HCN1: variants seen among roughly 807,000 people sequenced by gnomAD.
The protein encoded by HCN1 is potassium/sodium hyperpolarization-activated cyclic nucleotide-gated channel 1.
HCN1 carries 13 observed loss-of-function variants against 78.9 expected under a neutral mutation model. The observed-to-expected ratio is 0.16, with a 90% CI of 0.11 to 0.26. The LOEUF (loss-of-function observed/expected upper bound fraction) is 0.26, where lower values mean the gene tolerates loss of function less well. HCN1 is among the 10% of genes least tolerant of loss of function. HCN1 has a pLI of 1.00. For missense variants in HCN1, 810 were observed against 1,154.3 expected, an observed-to-expected ratio of 0.70 and a Z score of 4.32; for synonymous variants, 552 against 455.5, an observed-to-expected ratio of 1.21 and a Z score of -2.70.
At chr5:45,606,843 A>C (rs572241206) in intron 2 of HCN1, among the ~76,000 whole-genome samples, 87 of 152,158 alleles carry the variant, frequency 5.7e-4, no homozygotes, top group African/African-American at 1.9e-3. Flanking sequence ...TTCAGATAAT[A>C]GATTTAAAAC....
At chr5:45,307,564 C>T (rs932672696) in intron 5 of HCN1, among the ~76,000 whole-genome samples, 1 of 151,982 alleles carries the variant, frequency 6.6e-6, no homozygotes, top group South Asian at 2.1e-4. Flanking sequence ...ACCCATAATC[C>T]CATTTTAATC....
intron 6 of HCN1, among the ~76,000 whole-genome samples, chr5:45,291,695 T>A (rs1309718411): frequency 3.3e-5 from 5 of 151,874 alleles, no homozygotes; most frequent in African/African-American, 1.2e-4. Flanking sequence ...CACATCCAGC[T>A]ACTTTCTGAT....
At chr5:45,281,429 G>A (rs1377711052) in intron 6 of HCN1, among the ~76,000 whole-genome samples, 2 of 152,018 alleles carry the variant, frequency 1.3e-5, no homozygotes, top group African/African-American at 4.8e-5. Flanking sequence ...ATAGCCATCA[G>A]AACTTTGAAT....
At chr5:45,473,027 T>G (rs1277214517) in intron 2 of HCN1, among the ~76,000 whole-genome samples, 1 of 151,922 alleles carries the variant, frequency 6.6e-6, no homozygotes, top group Non-Finnish European at 1.5e-5. Flanking sequence ...ATGCCTAACC[T>G]TTACAGAGTT....
intron 6 of HCN1, among the ~76,000 whole-genome samples, chr5:45,285,990 T>C (rs911591791): frequency 1.3e-5 from 2 of 151,998 alleles, no homozygotes; most frequent in South Asian, 2.1e-4. Context: ...ACGGAAAATT[T>C]GTTTTTAAAG....
In HCN1 at chr5:45,473,355, C is replaced by G. The variant is rs907362802; in HGVS notation, c.850-11348G>C. Among the ~76,000 whole-genome samples the G allele has an allele frequency of 5.9e-5, 9 of 151,882 alleles. 1 individual carries two copies. Among genetic ancestry groups the G allele is most frequent in the African/African-American group, 1.7e-4 (7 of 41,416 alleles). On this transcript the variant is annotated intron_variant, in intron 2 of 7. Coordinates refer to ENST00000303230, the MANE Select transcript of HCN1 (RefSeq NM_021072.4). ...AGCATGCATATATTCTCCAGTGCAG[C>G]TAGTTAAAAAACTTACCCAGATTTT...
intron 4 of HCN1, among the ~76,000 whole-genome samples, chr5:45,379,395 A>G (rs920944347): frequency 6.6e-6 from 1 of 152,124 alleles, no homozygotes; most frequent in Admixed American, 6.6e-5. Context: ...TCTAAGAAAT[A>G]TGGTATCTAA....
chr5:45,605,534 T>G (rs1349309452), intron 2 of HCN1, among the ~76,000 whole-genome samples: 1 of 151,932 alleles, frequency 6.6e-6, no homozygotes, highest in Non-Finnish European at 1.5e-5. Context: ...AATATATTCT[T>G]AACTGAAGAA....
intron 1 of HCN1, among the ~76,000 whole-genome samples, chr5:45,666,472 A>G (rs1232155931): frequency 6.6e-6 from 1 of 152,078 alleles, no homozygotes; most frequent in Non-Finnish European, 1.5e-5. Context: ...GGCCACAACC[A>G]CAATATGTAC....
chr5:45,624,721 G>A (rs1334120954), intron 2 of HCN1, among the ~76,000 whole-genome samples: 1 of 152,014 alleles, frequency 6.6e-6, no homozygotes, highest in African/African-American at 2.4e-5. Flanking sequence ...GATGGGGTCA[G>A]AATCATGGAT....
intron 5 of HCN1, among the ~76,000 whole-genome samples, chr5:45,327,456 A>C (rs1005997591): frequency 1.3e-5 from 2 of 151,700 alleles, no homozygotes; most frequent in Non-Finnish European, 3.0e-5. Flanking sequence ...CAATTCAAAC[A>C]TAACAATATA....
intron 2 of HCN1, among the ~76,000 whole-genome samples, chr5:45,496,266 C>A (rs1437243499): frequency 6.7e-6 from 1 of 149,060 alleles, no homozygotes; most frequent in East Asian, 2.0e-4. Context: ...TTGATTATTG[C>A]CACAATTTCA....
chr5:45,663,971 T>G lies in HCN1; in HGVS notation c.426-18363A>C, dbSNP rs1470405882. Among the ~76,000 whole-genome samples the G allele has an allele frequency of 5.1e-4, 73 of 143,616 alleles. No homozygotes were observed. The South Asian group carries it at 7.1e-3, about 14-fold the overall frequency. The allele number at this position is 143,616 out of a possible 152,430, so 94.2% of individuals were successfully genotyped here. ...TCCCATTACTGGGTATATACCCAAA[T>G]GACTATAAATCATGCTGCTATAAAG... On this transcript the variant is annotated intron_variant, in intron 1 of 7. Transcript: ENST00000303230.
intron 2 of HCN1, among the ~76,000 whole-genome samples, chr5:45,601,684 C>T (rs2111964913): frequency 6.6e-6 from 1 of 152,178 alleles, no homozygotes; most frequent in South Asian, 2.1e-4. Context: ...TAGTTGTATT[C>T]AGGCATTCTA....
chr5:45,492,519 G>GTT (rs928476311), intron 2 of HCN1, among the ~76,000 whole-genome samples: 6,533 of 102,304 alleles, frequency 0.064, 641 homozygotes, highest in East Asian at 0.12. Context: ...CAGTTTTTTT[G>GTT]TTTTTTTTTT....
At chr5:45,399,264 T>C (rs1223332317) in intron 3 of HCN1, among the ~76,000 whole-genome samples, 1 of 152,200 alleles carries the variant, frequency 6.6e-6, no homozygotes, top group Non-Finnish European at 1.5e-5. Context: ...GAGTGATGCA[T>C]ATGCTGCCTT....
At chr5:45,487,357 C>G (rs1369226927) in intron 2 of HCN1, among the ~76,000 whole-genome samples, 2 of 151,984 alleles carry the variant, frequency 1.3e-5, no homozygotes, top group Non-Finnish European at 2.9e-5. Flanking sequence ...AAAAGTTTTC[C>G]TAAAAATATT....
At chr5:45,369,939 C>T (rs764063190) in intron 4 of HCN1, among the ~76,000 whole-genome samples, 1 of 151,478 alleles carries the variant, frequency 6.6e-6, no homozygotes, top group African/African-American at 2.4e-5. Context: ...TTGTAAATAA[C>T]AATAACAAAA....
chr5:45,478,650 C>A (rs146650857), intron 2 of HCN1, among the ~76,000 whole-genome samples: 1,587 of 152,248 alleles, frequency 0.01, 13 homozygotes, highest in Middle Eastern at 0.038. Flanking sequence ...CTGGCATATT[C>A]AAAAATGCTA....
Sources: gnomAD v4.1 joint callset for allele counts (sites outside exome capture counted in the v4.1 genomes callset) on GRCh38, gnomAD v4.1.1 for gene constraint, MANE v1.5 for transcripts, NCBI Gene and HGNC (gene_info 2026-07-23, HGNC 2026-07-21) for gene names.